Variants in DCAF6 observed in about 807,000 individuals in gnomAD.
DCAF6 encodes the protein DDB1 and CUL4 associated factor 6.
A neutral mutation model predicts 125.1 loss-of-function variants in DCAF6; 54 were observed. The observed-to-expected ratio is 0.43, with a 90% CI of 0.35 to 0.54. DCAF6 has a LOEUF of 0.54. Among genes scored for constraint, DCAF6 ranks in the 20% least tolerant of loss-of-function variants. DCAF6 has a pLI of 0.01. For synonymous variants in DCAF6, 371 were observed against 390.4 expected, an observed-to-expected ratio of 0.95 and a Z score of 0.58; for missense variants, 934 against 1,161.7, an observed-to-expected ratio of 0.80 and a Z score of 2.85.
Position 168,075,525 on chromosome 1 carries a change from T to A in DCAF6, c.*90T>A. 1 of 1,185,442 alleles carries A rather than the reference T, an allele frequency of 8.4e-7. No individual in the cohort carries two copies. 73.4% of individuals were successfully genotyped at this position (1,185,442 alleles called of 1,614,324 possible). On this transcript the variant is annotated 3_prime_UTR_variant, in exon 22 of 22. Coordinates refer to ENST00000367840, the MANE Select transcript of DCAF6 (RefSeq NM_001198956.2). ...TCTTTACAGAGCTTTAGTGCAATTT[T>A]AAGGTTATGGTTTTTGGAGTTTTTC...
At chr1:168,069,857 T>A (rs74122612) in intron 21 of DCAF6, among the ~76,000 whole-genome samples, 4,470 of 152,298 alleles carry the variant, frequency 0.029, 221 homozygotes, top group African/African-American at 0.1. Flanking sequence ...GTAACTTTTT[T>A]AAAATATATT....
chr1:168,004,078 C>T, intron 9 of DCAF6, 89 bp downstream of exon 9: 1 of 1,399,340 alleles, frequency 7.1e-7, no homozygotes, highest in Non-Finnish European at 9.8e-7. Context: ...TAAATTATAC[C>T]ATGTTTTACA....
At chr1:167,912,481 G>A in the DCAF6 span, among the ~76,000 whole-genome samples, 3 of 152,204 alleles carry the variant, frequency 2.0e-5, no homozygotes, top group Non-Finnish European at 2.9e-5. Context: ...TAGGGTGAGA[G>A]GGCTAGCTTT....
At chr1:167,978,615 CAT>C (rs1480971737) in intron 4 of DCAF6, among the ~76,000 whole-genome samples, 2 of 152,056 alleles carry the variant, frequency 1.3e-5, no homozygotes, top group Admixed American at 6.6e-5. Flanking sequence ...ATATCTTCTG[CAT>C]ATGAGCCTAT....
At chr1:168,033,906 G>T (rs934166079) in intron 12 of DCAF6, among the ~76,000 whole-genome samples, 3 of 152,166 alleles carry the variant, frequency 2.0e-5, no homozygotes, top group Non-Finnish European at 2.9e-5. Flanking sequence ...CCACTATATT[G>T]TGTGTGTGCT....
intron 1 of DCAF6, among the ~76,000 whole-genome samples, chr1:167,948,253 C>T (rs1571609703): frequency 6.6e-6 from 1 of 151,650 alleles, no homozygotes; most frequent in East Asian, 1.9e-4. Flanking sequence ...GACCTTTTTA[C>T]ACTGTATTTG....
chr1:168,075,665 G>T lies in DCAF6; in HGVS notation c.*230G>T. 1 of 397,358 alleles carries T rather than the reference G, an allele frequency of 2.5e-6. No individual in the cohort carries two copies. The highest frequency in any genetic ancestry group is 4.0e-5 in the East Asian group (1 of 25,070). The allele number at this position is 397,358 out of a possible 1,614,324, so 24.6% of individuals were successfully genotyped here. ...TAAAACTTTTTGCCGTGTATGAGGA[G>T]TGCTAGAAAATGCAAAGTGCAATAT... On this transcript the variant is annotated 3_prime_UTR_variant, in exon 22 of 22. Coordinates refer to ENST00000367840, the MANE Select transcript of DCAF6 (RefSeq NM_001198956.2).
chr1:167,864,019 T>C, the DCAF6 span, among the ~76,000 whole-genome samples: 1 of 152,166 alleles, frequency 6.6e-6, no homozygotes, highest in African/African-American at 2.4e-5. Context: ...CATGGCCTGA[T>C]CTGATCACCC....
At chr1:167,880,093 G>T in the DCAF6 span, 1 of 1,603,984 alleles carries the variant, frequency 6.2e-7, no homozygotes. Context: ...AAGAAAGCTG[G>T]AGATGAGCTG....
the DCAF6 span, among the ~76,000 whole-genome samples, chr1:167,926,179 C>T: frequency 6.6e-6 from 1 of 152,126 alleles, no homozygotes. Flanking sequence ...TGTGTACGTT[C>T]GAATTTTCCG....
chr1:167,866,115 ATGTGTGG>A, the DCAF6 span, among the ~76,000 whole-genome samples: 7 of 152,156 alleles, frequency 4.6e-5, no homozygotes, highest in African/African-American at 1.7e-4. Context: ...CCCCAAGCGG[ATGTGTGG>A]TGGTATTGTG....
chr1:168,008,877 C>A lies in DCAF6; in HGVS notation c.1378+4084C>A, dbSNP rs1482985949. ...CGCCCCACCCCGCCTCCACCCTGCCCCCACCCCCTCCCCTCCCCCCTCCCT... is the reference window on the plus strand; with the variant it reads ...CGCCCCACCCCGCCTCCACCCTGCCACCACCCCCTCCCCTCCCCCCTCCCT... On this transcript the variant is annotated intron_variant, in intron 10 of 21. Coordinates refer to ENST00000367840, the MANE Select transcript of DCAF6 (RefSeq NM_001198956.2). 5.4e-4 allele frequency among the ~76,000 whole-genome samples: 70 copies of A among 130,258 alleles called. 1 individual carries two copies. In the South Asian group the frequency reaches 0.019, roughly 35 times the overall value. 85.5% of individuals were successfully genotyped at this position (130,258 alleles called of 152,430 possible). A position where few individuals can be genotyped will look rare whatever the true frequency, so the allele number is the denominator to read the frequency against.
At chr1:168,073,701 C>G (rs1038274980) in intron 21 of DCAF6, among the ~76,000 whole-genome samples, 1 of 152,150 alleles carries the variant, frequency 6.6e-6, no homozygotes, top group East Asian at 1.9e-4. Flanking sequence ...TCATCATGCT[C>G]TAACATGACA....
the DCAF6 span, chr1:167,901,660 AC>A: frequency 6.2e-7 from 1 of 1,613,998 alleles, no homozygotes; most frequent in African/African-American, 1.3e-5. Context: ...TCAAATGCTT[AC>A]CTATCTTGAC....
intron 1 of DCAF6, among the ~76,000 whole-genome samples, chr1:167,938,556 G>A (rs1371228691): frequency 1.3e-5 from 2 of 152,128 alleles, no homozygotes; most frequent in Non-Finnish European, 2.9e-5. Flanking sequence ...TTTTAAAATT[G>A]AACATAGCTG....
At chr1:167,918,449 T>A in the DCAF6 span, 2 of 817,928 alleles carry the variant, frequency 2.4e-6, no homozygotes, top group Non-Finnish European at 3.8e-6. Context: ...CCATTTCTTC[T>A]TTCTTGGTGG....
the DCAF6 span, among the ~76,000 whole-genome samples, chr1:167,925,144 C>G: frequency 6.6e-6 from 1 of 151,952 alleles, no homozygotes; most frequent in African/African-American, 2.4e-5. Flanking sequence ...TTGTCCCTCT[C>G]GAATTCACAG....
chr1:168,069,530 T>C (rs1041659403), intron 21 of DCAF6, among the ~76,000 whole-genome samples: 2 of 152,136 alleles, frequency 1.3e-5, no homozygotes, highest in African/African-American at 4.8e-5. Flanking sequence ...AAATATCACT[T>C]CCTCAGAGAG....
At chr1:167,968,183 C>A (rs1298374754) in intron 3 of DCAF6, among the ~76,000 whole-genome samples, 3 of 152,080 alleles carry the variant, frequency 2.0e-5, no homozygotes, top group Non-Finnish European at 4.4e-5. Flanking sequence ...ACAGTAATTT[C>A]AATAGGGAAA....
Sources: allele counts gnomAD v4.1 joint callset (sites outside exome capture counted in the v4.1 genomes callset), GRCh38; gene constraint gnomAD v4.1.1; transcripts MANE v1.5; gene names NCBI Gene and HGNC (gene_info 2026-07-23, HGNC 2026-07-21).